TMEM272: variants seen among roughly 807,000 people sequenced by gnomAD.
TMEM272 encodes the protein long intergenic non-protein coding RNA 282.
In TMEM272, 8 loss-of-function variants were observed where a neutral mutation model predicts 3.7. The observed-to-expected ratio is 2.17, with a 90% CI of 1.27 to 3.91. The LOEUF is 3.91. Ranked by LOEUF, TMEM272 falls within the 30% of genes most tolerant of loss-of-function variation. The pLI, the probability that TMEM272 is intolerant of heterozygous loss-of-function variation, is 0.00. For missense variants in TMEM272, 166 were observed against 91.5 expected, an observed-to-expected ratio of 1.81 and a Z score of -3.32; for synonymous variants, 63 against 39.8, an observed-to-expected ratio of 1.58 and a Z score of -2.20.
At chr13:51,820,345 T>G (rs1400550148) in intron 4 of TMEM272, among the ~76,000 whole-genome samples, 1 of 152,166 alleles carries the variant, frequency 6.6e-6, no homozygotes, top group African/African-American at 2.4e-5. Flanking sequence ...AAACCATCAT[T>G]ATCACAGGCA....
chr13:51,852,849 T>C, the TMEM272 span, among the ~76,000 whole-genome samples: 3 of 141,662 alleles, frequency 2.1e-5, no homozygotes, highest in African/African-American at 8.1e-5. Context: ...ATTGCACCAC[T>C]CCAGTCTGGG....
At chr13:51,894,636 A>G in the TMEM272 span, among the ~76,000 whole-genome samples, 342 of 152,304 alleles carry the variant, frequency 2.2e-3, 4 homozygotes, top group African/African-American at 7.8e-3. Flanking sequence ...GAAGTTTGCA[A>G]AAGGGCAAAC....
chr13:51,909,240 C>T, the TMEM272 span: 1 of 1,193,068 alleles, frequency 8.4e-7, no homozygotes, highest in Non-Finnish European at 1.2e-6. Context: ...TGCTGCCAAA[C>T]AATTATCATG....
At chr13:51,866,951 A>G in the TMEM272 span, among the ~76,000 whole-genome samples, 2 of 152,196 alleles carry the variant, frequency 1.3e-5, no homozygotes, top group African/African-American at 4.8e-5. Context: ...AGTACATTGA[A>G]TGAATGTACA....
At chr13:51,895,053 GT>G in the TMEM272 span, among the ~76,000 whole-genome samples, 1 of 152,138 alleles carries the variant, frequency 6.6e-6, no homozygotes, top group African/African-American at 2.4e-5. Flanking sequence ...CTGACAGGAG[GT>G]GGAGCTCAGG....
At chr13:51,882,502 C>A in the TMEM272 span, among the ~76,000 whole-genome samples, 2 of 152,094 alleles carry the variant, frequency 1.3e-5, no homozygotes, top group Non-Finnish European at 1.5e-5. Context: ...AATACCAAAG[C>A]GTGGTCACAA....
intron 2 of TMEM272, among the ~76,000 whole-genome samples, chr13:51,827,709 T>A (rs1956139084): frequency 6.6e-6 from 1 of 152,122 alleles, no homozygotes; most frequent in Non-Finnish European, 1.5e-5. Context: ...GTCATCACCT[T>A]AATTATTTTC....
the TMEM272 span, among the ~76,000 whole-genome samples, chr13:51,920,828 C>T: frequency 6.6e-6 from 1 of 152,292 alleles, no homozygotes; most frequent in South Asian, 2.1e-4. Flanking sequence ...CGTTTCTTGG[C>T]TGTAGATCCC....
In TMEM272 at chr13:51,813,846, G is replaced by A. The variant is rs1468167086; in HGVS notation, c.*2905C>T. ...TCTCAACATATAGTTTATCTTTGCT[G>A]CAGTCTTTTCTCAGATGGGAAGAAC... On this transcript the variant is annotated 3_prime_UTR_variant, in exon 5 of 5. Coordinates refer to ENST00000629372, the MANE Select transcript of TMEM272 (RefSeq NM_001351003.2). 2.6e-5 allele frequency: 4 copies of A among 152,222 alleles called. No homozygotes were observed. The highest frequency in any genetic ancestry group is 9.6e-5 in the African/African-American group (4 of 41,454). The allele number at this position is 152,222 out of a possible 1,614,324, so 9.4% of individuals were successfully genotyped here.
At chr13:51,885,305 A>G in the TMEM272 span, among the ~76,000 whole-genome samples, 1 of 152,238 alleles carries the variant, frequency 6.6e-6, no homozygotes, top group Non-Finnish European at 1.5e-5. Flanking sequence ...CAATTTATAA[A>G]TAAAAGAGGT....
chr13:51,842,964 GATTTGAGGTAA>G (rs1291490312), intron 1 of TMEM272, among the ~76,000 whole-genome samples: 1 of 152,146 alleles, frequency 6.6e-6, no homozygotes, highest in Non-Finnish European at 1.5e-5. Flanking sequence ...CAACTTTTTG[GATTTGAGGTAA>G]AATTGACTTA....
the TMEM272 span, among the ~76,000 whole-genome samples, chr13:51,925,470 C>G: frequency 1.3e-5 from 2 of 152,144 alleles, no homozygotes; most frequent in African/African-American, 4.8e-5. Flanking sequence ...TTGTACTAAT[C>G]TAGATGGTTT....
the TMEM272 span, among the ~76,000 whole-genome samples, chr13:51,905,257 C>T: frequency 1.3e-5 from 2 of 152,204 alleles, no homozygotes; most frequent in Middle Eastern, 3.4e-3. Context: ...CGACACTGGA[C>T]GAGGGCCCAG....
chr13:51,929,943 C>T, the TMEM272 span, among the ~76,000 whole-genome samples: 1 of 152,236 alleles, frequency 6.6e-6, no homozygotes, highest in African/African-American at 2.4e-5. Context: ...TCTCAACAGG[C>T]CTCTCTGAGG....
the TMEM272 span, among the ~76,000 whole-genome samples, chr13:51,870,226 ATT>A: frequency 1.1e-4 from 16 of 152,150 alleles, no homozygotes; most frequent in African/African-American, 3.9e-4. Context: ...GTTGGATAAT[ATT>A]TTGAAATATA....
chr13:51,880,657 A>G, the TMEM272 span, among the ~76,000 whole-genome samples: 1 of 152,238 alleles, frequency 6.6e-6, no homozygotes, highest in African/African-American at 2.4e-5. Flanking sequence ...TAATGACTAA[A>G]AGGAAAAATC....
the TMEM272 span, among the ~76,000 whole-genome samples, chr13:51,853,630 C>T: frequency 6.6e-6 from 1 of 151,938 alleles, no homozygotes; most frequent in African/African-American, 2.4e-5. Flanking sequence ...CAAGGGCCAA[C>T]CATAATATAT....
At chr13:51,833,432 T>A (rs1956189208) in intron 2 of TMEM272, among the ~76,000 whole-genome samples, 1 of 151,946 alleles carries the variant, frequency 6.6e-6, no homozygotes, top group South Asian at 2.1e-4. Context: ...CTAAAGGGGG[T>A]GGCTCTCGGA....
chr13:51,860,021 C>A, the TMEM272 span, among the ~76,000 whole-genome samples: 7 of 152,070 alleles, frequency 4.6e-5, no homozygotes, highest in East Asian at 1.4e-3. Flanking sequence ...GCCTTCCAAG[C>A]AGCTGGGACT....
Sources: gnomAD v4.1 joint callset for allele counts (sites outside exome capture counted in the v4.1 genomes callset) on GRCh38, gnomAD v4.1.1 for gene constraint, MANE v1.5 for transcripts, NCBI Gene and HGNC (gene_info 2026-07-23, HGNC 2026-07-21) for gene names.